Variants in ZNF236 observed in about 807,000 individuals in gnomAD.
ZNF236 encodes the protein zinc finger protein 236, also known as regulated by glucose.
Under a neutral mutation model 191.2 loss-of-function variants are expected in ZNF236, and 50 were observed. The observed-to-expected ratio is 0.26, with a 90% confidence interval of 0.21 to 0.33. The LOEUF (loss-of-function observed/expected upper bound fraction) is 0.33, where lower values mean the gene tolerates loss of function less well. Ranked by LOEUF, ZNF236 falls within the 10% of genes least tolerant of loss-of-function variation. The pLI is 1.00. For synonymous variants in ZNF236, 907 were observed against 928.8 expected, an observed-to-expected ratio of 0.98 and a Z score of 0.43; for missense variants, 1,754 against 2,374.5, an observed-to-expected ratio of 0.74 and a Z score of 5.43.
intron 14 of ZNF236, among the ~76,000 whole-genome samples, chr18:76,908,940 G>A (rs938934573): frequency 8.8e-5 from 13 of 148,566 alleles, no homozygotes; most frequent in African/African-American, 2.3e-4. Flanking sequence ...CAAATATGCA[G>A]GGGTGTGTGT....
chr18:76,862,542 CAG>C lies in ZNF236; in HGVS notation c.364-6140_364-6139del, dbSNP rs138168419. 4.3e-3 allele frequency among the ~76,000 whole-genome samples: 662 copies of C among 152,200 alleles called. 17 individuals carry two copies. Among genetic ancestry groups the C allele is most frequent in the East Asian group, 0.038 (195 of 5,166 alleles). On this transcript the variant is annotated intron_variant, in intron 3 of 30. Coordinates refer to ENST00000320610, the MANE Select transcript of ZNF236 (RefSeq NM_001306089.2). The stretch of plus-strand genomic sequence containing the variant: ...CAGAATTCCCCTCCCAGCGTGTTGG[CAG>C]AGTCTATCTTTGGAAGCCCGGCTTC...
chr18:76,957,960 A>G (rs1267144825), intron 28 of ZNF236, among the ~76,000 whole-genome samples: 1 of 152,250 alleles, frequency 6.6e-6, no homozygotes, highest in East Asian at 1.9e-4. Flanking sequence ...GAGCTTCTGC[A>G]CAGCAAAATA....
At chr18:76,850,142 TG>T (rs1179820818) in intron 2 of ZNF236, among the ~76,000 whole-genome samples, 2 of 152,220 alleles carry the variant, frequency 1.3e-5, no homozygotes, top group Admixed American at 6.5e-5. Flanking sequence ...GTACCTCTTG[TG>T]GGATCTGTCA....
chr18:76,954,980 A>G (rs1218316494), intron 27 of ZNF236, among the ~76,000 whole-genome samples: 1 of 152,078 alleles, frequency 6.6e-6, no homozygotes, highest in Non-Finnish European at 1.5e-5. Flanking sequence ...CTTATTTCTT[A>G]TATTCCAGAA....
rs1272117233 is a variant in ZNF236 at position 76,960,375 on chromosome 18, G to A, written c.5243-304G>A. Among the ~76,000 whole-genome samples, 2 of 152,130 alleles carry A rather than the reference G, an allele frequency of 1.3e-5. No individual in the cohort carries two copies. The highest frequency in any genetic ancestry group is 2.9e-5 in the Non-Finnish European group (2 of 68,030). Reference sequence around the variant, plus strand: ...CCTGCCCTAACAGGACATCATCCCGGGCTCATTTCTGTTGTGATCATCTGA... The same window carrying A: ...CCTGCCCTAACAGGACATCATCCCGAGCTCATTTCTGTTGTGATCATCTGA... On this transcript the variant is annotated intron_variant, in intron 29 of 30. Transcript: ENST00000320610. This position sits in a 1 kb window ranked among gnomAD's most constrained non-coding sequence, Gnocchi z 4.4.
intron 13 of ZNF236, among the ~76,000 whole-genome samples, chr18:76,906,506 C>G (rs1446656018): frequency 6.6e-6 from 1 of 152,126 alleles, no homozygotes; most frequent in Non-Finnish European, 1.5e-5. Flanking sequence ...GGCCCAAGAG[C>G]TTACCGTGCT....
intron 19 of ZNF236, among the ~76,000 whole-genome samples, chr18:76,917,939 T>C (rs1967417255): frequency 6.6e-6 from 1 of 152,184 alleles, no homozygotes; most frequent in Non-Finnish European, 1.5e-5. Context: ...ACCCACACCC[T>C]CGCTGTCCTT....
chr18:76,952,292 T>C (rs566226231), intron 27 of ZNF236, among the ~76,000 whole-genome samples: 1 of 152,228 alleles, frequency 6.6e-6, no homozygotes, highest in African/African-American at 2.4e-5. Context: ...TTCTCTTAGA[T>C]GTTTTCTGTA....
intron 4 of ZNF236, among the ~76,000 whole-genome samples, chr18:76,869,410 G>A (rs1599349096): frequency 6.6e-6 from 1 of 152,096 alleles, no homozygotes; most frequent in East Asian, 1.9e-4. Flanking sequence ...TAAACCATAA[G>A]AGTCTGATTT....
rs1967232779 is a variant in ZNF236 at position 76,912,139 on chromosome 18, C to T, written c.2806-105C>T. The T allele has an allele frequency of 5.0e-6, 4 of 800,512 alleles. No individual in the cohort carries two copies. In the South Asian group the frequency reaches 5.5e-5, roughly 11 times the overall value. 49.6% of individuals were successfully genotyped at this position (800,512 alleles called of 1,614,324 possible). A position where few individuals can be genotyped will look rare whatever the true frequency, so the allele number is the denominator to read the frequency against. On this transcript the variant is annotated intron_variant, in intron 16 of 30. Transcript: ENST00000320610. ...TATTTGGGGTTTCTCTCTCTTAGAT[C>T]CACATTTTATGAATGTTCTTATCCT...
intron 11 of ZNF236, among the ~76,000 whole-genome samples, chr18:76,902,392 A>T (rs1331474105): frequency 1.3e-5 from 2 of 152,180 alleles, no homozygotes; most frequent in African/African-American, 2.4e-5. Context: ...TAGAATGCTC[A>T]TTGAGGAAGC....
chr18:76,893,519 T>C (rs1977309250), intron 9 of ZNF236, among the ~76,000 whole-genome samples: 1 of 152,192 alleles, frequency 6.6e-6, no homozygotes, highest in Admixed American at 6.5e-5. Flanking sequence ...TTCCTTTTTT[T>C]CTTTTTGAGA....
intron 27 of ZNF236, among the ~76,000 whole-genome samples, chr18:76,954,065 C>T (rs1395789406): frequency 6.6e-6 from 1 of 152,162 alleles, no homozygotes; most frequent in Admixed American, 6.5e-5. Flanking sequence ...TTCCCCTTCT[C>T]CTTTGGGCAA....
chr18:76,868,759 C>T lies in ZNF236; in HGVS notation c.438C>T (p.Arg146=). ...SQLAVHMEEH[R]QELAGTRQHA... ...TGGCCGTGCACATGGAGGAGCACCG[C>T]CAGGAGCTGGCTGGAACCCGGCAGC... Residue 146 remains arginine (R), a synonymous_variant, in exon 4 of 31, where the codon CGC becomes CGT. Coordinates refer to ENST00000320610, the MANE Select transcript of ZNF236 (RefSeq NM_001306089.2). 6.2e-7 allele frequency: 1 copy of T among 1,613,944 alleles called. No individual in the cohort carries two copies. Among genetic ancestry groups the T allele is most frequent in the Non-Finnish European group, 8.5e-7 (1 of 1,179,916 alleles).
At chr18:76,895,642 C>T (rs1485044894) in intron 10 of ZNF236, among the ~76,000 whole-genome samples, 1 of 151,580 alleles carries the variant, frequency 6.6e-6, no homozygotes, top group East Asian at 1.9e-4. Flanking sequence ...GCACTGTGCA[C>T]AGGTACTGCA....
intron 3 of ZNF236, among the ~76,000 whole-genome samples, chr18:76,867,879 C>G (rs555903563): frequency 5.9e-5 from 9 of 152,210 alleles, no homozygotes; most frequent in African/African-American, 2.2e-4. Flanking sequence ...TAGTGATTGG[C>G]AGCCTTAAGG....
intron 18 of ZNF236, 26 bp from the exon 19 acceptor site, chr18:76,915,621 C>T (rs537945): frequency 0.36 from 584,119 of 1,609,262 alleles, 108,224 homozygotes; most frequent in East Asian, 0.53. Flanking sequence ...TGGTTCCAGC[C>T]GTTTTTTCTG....
In ZNF236 at chr18:76,875,257, G is replaced by A. The variant is rs927219527; in HGVS notation, c.668-235G>A. On this transcript the variant is annotated intron_variant, in intron 5 of 30. Transcript: ENST00000320610. The surrounding 1 kb of genome is among the most constrained non-coding windows in gnomAD (Gnocchi z 4.3). ...GATGGCATTGCCTGATCCCCTGGAA[G>A]GATGGCATTGCCTGGGGAAGCCCAC... Among the ~76,000 whole-genome samples, 7 of 151,894 alleles carry A rather than the reference G, an allele frequency of 4.6e-5. No individual in the cohort carries two copies. Among genetic ancestry groups the A allele is most frequent in the African/African-American group, 1.7e-4 (7 of 41,432 alleles).
chr18:76,902,074 G>T (rs930532841), intron 11 of ZNF236, among the ~76,000 whole-genome samples: 24 of 152,172 alleles, frequency 1.6e-4, no homozygotes, highest in Non-Finnish European at 3.1e-4. Context: ...TATTTTGCTT[G>T]TTGGCTTCGC....
Sources: allele counts gnomAD v4.1 joint callset (sites outside exome capture counted in the v4.1 genomes callset), GRCh38; gene constraint gnomAD v4.1.1; non-coding constraint Gnocchi (gnomAD v3.1); transcripts MANE v1.5; gene names NCBI Gene and HGNC (gene_info 2026-07-23, HGNC 2026-07-21).